The following NNMT variants were observed in gnomAD, a reference collection of about 807,000 sequenced individuals.
NNMT encodes the protein nicotinamide N-methyltransferase.
A neutral mutation model predicts 11.7 loss-of-function variants in NNMT; 10 were observed. The ratio of observed to expected loss-of-function variants is 0.85; its 90% CI spans 0.53 to 1.45. The LOEUF (loss-of-function observed/expected upper bound fraction) is 1.45. Ranked by LOEUF, NNMT falls within the 40% of genes most tolerant of loss-of-function variation. The pLI is 0.00. For missense variants in NNMT, 381 were observed against 319.4 expected (o/e 1.19, Z -1.47); for synonymous variants, 143 against 133.8 (o/e 1.07, Z -0.48).
At chr11:114,285,805 G>A (rs1408367828) in intron 2 of NNMT, among the ~76,000 whole-genome samples, 1 of 152,194 alleles carries the variant, frequency 6.6e-6, no homozygotes, top group Non-Finnish European at 1.5e-5. Flanking sequence ...AGGAAGAGGT[G>A]AAGGGAGCAG....
At chr11:114,267,850 T>C (rs976078395) in intron 2 of NNMT, among the ~76,000 whole-genome samples, 22 of 152,258 alleles carry the variant, frequency 1.4e-4, no homozygotes, top group Non-Finnish European at 3.1e-4. Flanking sequence ...AAATTAGGAA[T>C]GGTTCCTCCG....
chr11:114,270,837 G>C (rs3132771), intron 2 of NNMT, among the ~76,000 whole-genome samples: 150,265 of 151,916 alleles, frequency 0.99, 74,331 homozygotes, highest in Middle Eastern at 1. Flanking sequence ...TGCAGTGGCA[G>C]GATCTCAGCT....
rs189276211 is a variant in NNMT, at chr11:114,268,732, G to A, written c.-130+5798G>A. Among the ~76,000 whole-genome samples the A allele has an allele frequency of 5.6e-3, 755 of 135,938 alleles. 9 individuals carry two copies. Among genetic ancestry groups the A allele is most frequent in the African/African-American group, 0.021 (735 of 35,144 alleles). The allele number at this position is 135,938 out of a possible 152,430, so 89.2% of individuals were successfully genotyped here. A position where few individuals can be genotyped will look rare whatever the true frequency, so the allele number is the denominator to read the frequency against. ...TGCAGTGAGCCGAGATCGCACCACT[G>A]CACTCCAGCCTGGACGATGGAGCGA... On this transcript the variant is annotated intron_variant, in intron 2 of 4. Transcript: ENST00000535401.
intron 2 of NNMT, among the ~76,000 whole-genome samples, chr11:114,268,499 G>C (rs75019779): frequency 2.0e-5 from 3 of 152,060 alleles, no homozygotes; most frequent in Admixed American, 2.0e-4. Context: ...GACCAGGCGC[G>C]GTGGCTCACG....
chr11:114,293,216 C>A (rs1403214666), upstream of NNMT, among the ~76,000 whole-genome samples: 1 of 152,158 alleles, frequency 6.6e-6, no homozygotes, highest in Non-Finnish European at 1.5e-5. Context: ...ACCCTGCTTC[C>A]ATTCTACATC....
intron 1 of NNMT, among the ~76,000 whole-genome samples, chr11:114,258,263 A>G (rs557572886): frequency 2.5e-4 from 38 of 151,776 alleles, no homozygotes; most frequent in Non-Finnish European, 4.0e-4. Flanking sequence ...AGCTCCCCGC[A>G]TGCCCTGTAG....
At chr11:114,271,373 G>T (rs1473241814) in intron 2 of NNMT, among the ~76,000 whole-genome samples, 3 of 152,138 alleles carry the variant, frequency 2.0e-5, no homozygotes, top group African/African-American at 7.2e-5. Context: ...CTGGCACTAA[G>T]TACCACCCAC....
At chr11:114,309,198 C>G (rs1449166171) in intron 2 of NNMT, among the ~76,000 whole-genome samples, 1 of 152,172 alleles carries the variant, frequency 6.6e-6, no homozygotes, top group Non-Finnish European at 1.5e-5. Context: ...TTAAGTTTTT[C>G]TGTTCTAGAT....
At chr11:114,270,837 G>T (rs3132771) in intron 2 of NNMT, among the ~76,000 whole-genome samples, 31 of 151,802 alleles carry the variant, frequency 2.0e-4, no homozygotes, top group Non-Finnish European at 3.5e-4. Flanking sequence ...TGCAGTGGCA[G>T]GATCTCAGCT....
intron 2 of NNMT, among the ~76,000 whole-genome samples, chr11:114,281,105 G>A (rs6589421): frequency 0.33 from 50,163 of 152,026 alleles, 10,112 homozygotes; most frequent in African/African-American, 0.57. Context: ...ATGACAGACC[G>A]AGGGAGGGGC....
chr11:114,259,468 A>C (rs757865123), intron 1 of NNMT, among the ~76,000 whole-genome samples: 18 of 151,986 alleles, frequency 1.2e-4, no homozygotes, highest in Non-Finnish European at 2.4e-4. Context: ...GGTGCTTCAT[A>C]GTTGGGAGCT....
chr11:114,275,276 C>T (rs1408327020), intron 2 of NNMT, among the ~76,000 whole-genome samples: 1 of 152,138 alleles, frequency 6.6e-6, no homozygotes, highest in African/African-American at 2.4e-5. Context: ...GAGTGTGTAG[C>T]CAGGAGCCAC....
At position 114,284,553 on chromosome 11, in the gene NNMT, T is replaced by C. The variant is rs571794335; in HGVS notation, c.-129-11875T>C. 4.0e-3 allele frequency among the ~76,000 whole-genome samples: 616 copies of C among 152,184 alleles called. 6 individuals are homozygous for C. Among genetic ancestry groups the C allele is most frequent in the African/African-American group, 0.014 (599 of 41,518 alleles). ...ATCTTGGCTCACTGCAACCTCCGCC[T>C]CCTGGGTTCAAGCAATTCTCCTGCC... On this transcript the variant is annotated intron_variant, in intron 2 of 4. Transcript: ENST00000535401.
At chr11:114,301,090 T>G (rs1473516807) in intron 2 of NNMT, among the ~76,000 whole-genome samples, 14 of 152,226 alleles carry the variant, frequency 9.2e-5, no homozygotes, top group Admixed American at 9.2e-4. Context: ...TCTGGAAGAC[T>G]GACAACACCA....
Position 114,312,750 on chromosome 11 carries a change from A to G in NNMT, c.*273A>G, listed in dbSNP as rs1007323256. Reference sequence around the variant, plus strand: ...ACAAAAGAAGACCTCACTTCCCTAAACATCTAGTTATGGCGGCTCAAGCCC... The same window carrying G: ...ACAAAAGAAGACCTCACTTCCCTAAGCATCTAGTTATGGCGGCTCAAGCCC... On this transcript the variant is annotated 3_prime_UTR_variant, in exon 3 of 3. Coordinates refer to ENST00000299964, the MANE Select transcript of NNMT (RefSeq NM_006169.3). The G allele has an allele frequency of 2.8e-5, 12 of 428,118 alleles. No homozygotes were observed. Among genetic ancestry groups the G allele is most frequent in the Non-Finnish European group, 8.4e-6 (2 of 239,236 alleles). The allele number at this position is 428,118 out of a possible 1,614,324, so 26.5% of individuals were successfully genotyped here.
At chr11:114,304,397 G>C (rs562995134) in intron 2 of NNMT, among the ~76,000 whole-genome samples, 1 of 152,294 alleles carries the variant, frequency 6.6e-6, no homozygotes, top group Non-Finnish European at 1.5e-5. Context: ...TAGCTCTTGA[G>C]ACACTGTCCC....
At chr11:114,276,366 A>C (rs186777326) in intron 2 of NNMT, among the ~76,000 whole-genome samples, 1 of 152,074 alleles carries the variant, frequency 6.6e-6, no homozygotes, top group Non-Finnish European at 1.5e-5. Context: ...TGACCCAGAG[A>C]TGTTCTCTGT....
At chr11:114,265,775 T>C (rs1399281080) in intron 2 of NNMT, among the ~76,000 whole-genome samples, 2 of 152,206 alleles carry the variant, frequency 1.3e-5, no homozygotes, top group Admixed American at 6.5e-5. Flanking sequence ...AATCGATTTC[T>C]TACGCCAGTA....
At chr11:114,292,701 G>A (rs2135266200), upstream of NNMT, among the ~76,000 whole-genome samples, 1 of 152,184 alleles carries the variant, frequency 6.6e-6, no homozygotes, top group Admixed American at 6.5e-5. Flanking sequence ...AGGGTGGGTA[G>A]AGGGTCATTA....
Sources: gnomAD v4.1 joint callset for allele counts (sites outside exome capture counted in the v4.1 genomes callset) on GRCh38, gnomAD v4.1.1 for gene constraint, MANE v1.5 for transcripts, NCBI Gene and HGNC (gene_info 2026-07-23, HGNC 2026-07-21) for gene names.